The following TAOK3 variants were observed in gnomAD, a reference collection of about 807,000 sequenced individuals.
TAOK3 encodes the protein serine/threonine-protein kinase TAO3.
Under a neutral mutation model 120.4 loss-of-function variants are expected in TAOK3, and 40 were observed. That is an observed-to-expected ratio of 0.33 (90% CI 0.26 to 0.43). TAOK3 has a LOEUF of 0.43. Among genes scored for constraint, TAOK3 ranks in the 20% least tolerant of loss-of-function variants. The pLI is 1.00. For synonymous variants in TAOK3, 355 were observed against 387.5 expected (o/e 0.92, Z 0.99); for missense variants, 821 against 1,112.1 (o/e 0.74, Z 3.72).
intron 2 of TAOK3, chr12:118,261,578 T>G (rs1442610306): frequency 6.6e-6 from 1 of 152,248 alleles, no homozygotes; most frequent in Non-Finnish European, 1.5e-5. Flanking sequence ...AGAGGATGAC[T>G]TGAGACCAGG....
At chr12:118,221,386 G>A (rs2039223810) in intron 9 of TAOK3, among the ~76,000 whole-genome samples, 1 of 152,070 alleles carries the variant, frequency 6.6e-6, no homozygotes, top group African/African-American at 2.4e-5. Flanking sequence ...ACTGTGCCCA[G>A]CTAATTTTTG....
chr12:118,170,630 G>A (rs564723880), intron 17 of TAOK3, among the ~76,000 whole-genome samples: 68 of 152,264 alleles, frequency 4.5e-4, no homozygotes, highest in Non-Finnish European at 8.4e-4. Flanking sequence ...GGGCGTGGTG[G>A]TGTGTGCCCG....
intron 15 of TAOK3, among the ~76,000 whole-genome samples, chr12:118,178,056 C>T (rs1317235478): frequency 6.6e-6 from 1 of 152,090 alleles, no homozygotes; most frequent in Non-Finnish European, 1.5e-5. Context: ...CAGCGATCCT[C>T]CTGCCTCAGC....
chr12:118,203,476 G>A (rs1484073115), intron 11 of TAOK3, among the ~76,000 whole-genome samples: 1 of 152,012 alleles, frequency 6.6e-6, no homozygotes, highest in Non-Finnish European at 1.5e-5. Flanking sequence ...AGGCTGAGGC[G>A]GGTGGATTAC....
chr12:118,261,094 CACA>C (rs2041208515), intron 2 of TAOK3, among the ~76,000 whole-genome samples: 5 of 152,086 alleles, frequency 3.3e-5, no homozygotes, highest in South Asian at 4.1e-4. Context: ...AACTTGAAGA[CACA>C]ACAACAGGAA....
intron 1 of TAOK3, among the ~76,000 whole-genome samples, chr12:118,326,557 C>A (rs1180889985): frequency 6.6e-6 from 1 of 152,138 alleles, no homozygotes; most frequent in Non-Finnish European, 1.5e-5. Context: ...ATCAAATATA[C>A]ATTTTTAATG....
intron 1 of TAOK3, among the ~76,000 whole-genome samples, chr12:118,321,812 G>A (rs2043718287): frequency 6.6e-6 from 1 of 151,898 alleles, no homozygotes; most frequent in Non-Finnish European, 1.5e-5. Flanking sequence ...CTATTTTTGT[G>A]AGTATATTTT....
chr12:118,283,212 C>T (rs949319129), intron 1 of TAOK3, among the ~76,000 whole-genome samples: 5 of 152,126 alleles, frequency 3.3e-5, no homozygotes, highest in Non-Finnish European at 7.3e-5. Flanking sequence ...TGGATACCTG[C>T]TATACTTAAG....
At chr12:118,350,422 C>G (rs1306877292) in intron 1 of TAOK3, among the ~76,000 whole-genome samples, 4 of 152,154 alleles carry the variant, frequency 2.6e-5, no homozygotes, top group Non-Finnish European at 4.4e-5. Context: ...ACACAAATAT[C>G]CATTATAGAG....
chr12:118,203,075 G>A (rs986009192), intron 11 of TAOK3, among the ~76,000 whole-genome samples: 5 of 151,492 alleles, frequency 3.3e-5, no homozygotes, highest in East Asian at 1.9e-4. Context: ...CCACCGCACC[G>A]CACCTTGTTC....
At chr12:118,243,793 G>A (rs910853366) in intron 4 of TAOK3, among the ~76,000 whole-genome samples, 3 of 151,904 alleles carry the variant, frequency 2.0e-5, no homozygotes, top group Non-Finnish European at 4.4e-5. Flanking sequence ...AGTGATTCTC[G>A]TGCCTCCCAA....
chr12:118,368,258 G>A (rs74399200), intron 1 of TAOK3, among the ~76,000 whole-genome samples: 7,409 of 152,082 alleles, frequency 0.049, 389 homozygotes, highest in East Asian at 0.25. Context: ...GTGCGAGGGC[G>A]CTATTTTGGA....
chr12:118,222,798 G>C (rs1303919417), intron 9 of TAOK3, among the ~76,000 whole-genome samples: 2 of 152,018 alleles, frequency 1.3e-5, no homozygotes, highest in East Asian at 3.9e-4. Flanking sequence ...AGGGGGTGTG[G>C]GATAAAAGAC....
intron 1 of TAOK3, among the ~76,000 whole-genome samples, chr12:118,301,775 G>A (rs1042487905): frequency 6.8e-6 from 1 of 147,738 alleles, no homozygotes; most frequent in Non-Finnish European, 1.5e-5. Context: ...CTGGGAGGCG[G>A]AAGTTGCAGT....
At chr12:118,330,362 A>G (rs566373665) in intron 1 of TAOK3, among the ~76,000 whole-genome samples, 1 of 152,348 alleles carries the variant, frequency 6.6e-6, no homozygotes, top group African/African-American at 2.4e-5. Flanking sequence ...CAATATAAAT[A>G]TATCTATTGG....
At chr12:118,208,539 T>G (rs1300223986) in intron 11 of TAOK3, among the ~76,000 whole-genome samples, 2 of 152,006 alleles carry the variant, frequency 1.3e-5, no homozygotes, top group East Asian at 1.9e-4. Flanking sequence ...AAAACTATAG[T>G]GAGAAAAGTT....
chr12:118,226,219 C>T lies in TAOK3; in HGVS notation c.643+7455G>A, dbSNP rs2039498913. Among the ~76,000 whole-genome samples, 3 of 152,150 alleles carry T rather than the reference C, an allele frequency of 2.0e-5. No homozygotes were observed. The South Asian group carries it at 6.2e-4, about 31-fold the overall frequency. ...TGAAACCCCGTCTCTACTGAAAATA[C>T]AAAAAAATTAGCCAGGCGTGGTGGC... On this transcript the variant is annotated intron_variant, in intron 9 of 20. Coordinates refer to ENST00000392533, the MANE Select transcript of TAOK3 (RefSeq NM_016281.4).
rs1472792659 is a variant in TAOK3 at position 118,241,062 on chromosome 12, CATACTT to C, written c.295-1796_295-1791del. On this transcript the variant is annotated intron_variant, in intron 5 of 20. Coordinates refer to ENST00000392533, the MANE Select transcript of TAOK3 (RefSeq NM_016281.4). Reference sequence around the variant, plus strand: ...TAGAATGCAATTAAATTAGATATAACATACTTATAATACTATTTATATATTACATAT... The same window carrying C: ...TAGAATGCAATTAAATTAGATATAACATAATACTATTTATATATTACATAT... Among the ~76,000 whole-genome samples the C allele has an allele frequency of 3.7e-4, 55 of 149,284 alleles. 1 individual carries two copies. The South Asian group carries it at 7.1e-3, about 19-fold the overall frequency.
At chr12:118,285,986 C>A (rs1044507591) in intron 1 of TAOK3, among the ~76,000 whole-genome samples, 2 of 152,140 alleles carry the variant, frequency 1.3e-5, no homozygotes, top group African/African-American at 4.8e-5. Context: ...TGGTTGCATT[C>A]TTTTGAGTTT....
Sources: allele counts gnomAD v4.1 joint callset (sites outside exome capture counted in the v4.1 genomes callset), GRCh38; gene constraint gnomAD v4.1.1; transcripts MANE v1.5; gene names NCBI Gene and HGNC (gene_info 2026-07-23, HGNC 2026-07-21).